The following MEP1A variants were observed in gnomAD, a reference collection of about 807,000 sequenced individuals.
MEP1A encodes the protein meprin A subunit alpha.
Under a neutral mutation model 84.5 loss-of-function variants are expected in MEP1A, and 68 were observed. The observed-to-expected ratio is 0.80, with a 90% CI of 0.66 to 0.98. The LOEUF (loss-of-function observed/expected upper bound fraction) is 0.98. Ranked by LOEUF, MEP1A falls within the 50% of genes least tolerant of loss-of-function variation. The probability of loss-of-function intolerance (pLI) is 0.00; values close to 1 mark genes in which losing one functional copy is unlikely to be tolerated. For synonymous variants in MEP1A, 337 were observed against 336.8 expected (o/e 1.00, Z -0.01); for missense variants, 887 against 919.9 (o/e 0.96, Z 0.46).
chr6:46,802,997 G>A (rs1362313065), intron 5 of MEP1A, among the ~76,000 whole-genome samples: 2 of 151,220 alleles, frequency 1.3e-5, no homozygotes, highest in African/African-American at 4.8e-5. Context: ...ATCTTTATTA[G>A]GCTTTAGTAA....
In MEP1A at chr6:46,825,331, T is replaced by A; in HGVS notation, c.616T>A (p.Tyr206Asn). ...CTTAATCACAGACCTCAATACACCC[T>A]ATGATTATGAGTCTTTGATGCACTA... ...DSLITDLNTP[Y>N]DYESLMHYQP... Residue 206 changes from tyrosine to asparagine, a missense_variant, in exon 8 of 14, where the codon TAT becomes AAT. Transcript: ENST00000230588. 5.0e-6 allele frequency: 8 copies of A among 1,613,756 alleles called. No individual in the cohort carries two copies. The highest frequency in any genetic ancestry group is 6.8e-6 in the Non-Finnish European group (8 of 1,179,826).
At chr6:46,820,163 G>A (rs973092790) in intron 7 of MEP1A, among the ~76,000 whole-genome samples, 5 of 152,020 alleles carry the variant, frequency 3.3e-5, no homozygotes, top group Admixed American at 3.3e-4. Flanking sequence ...AATAAAAAAT[G>A]TTTAAAAACA....
In MEP1A at chr6:46,839,376, C is replaced by A. The variant is rs1208298402; in HGVS notation, c.*240C>A. On this transcript the variant is annotated 3_prime_UTR_variant, in exon 14 of 14. Coordinates refer to ENST00000230588, the MANE Select transcript of MEP1A (RefSeq NM_005588.3). ...ACACTCATCACACTTCATTGTAAATCACTTGTTTTATTGACTGTCTTTCCT... is the reference window on the plus strand; with the variant it reads ...ACACTCATCACACTTCATTGTAAATAACTTGTTTTATTGACTGTCTTTCCT... 5.8e-6 allele frequency: 2 copies of A among 346,714 alleles called. No homozygotes were observed. Among genetic ancestry groups the A allele is most frequent in the Non-Finnish European group, 1.0e-5 (2 of 190,612 alleles). The allele number at this position is 346,714 out of a possible 1,614,324, so 21.5% of individuals were successfully genotyped here. A position where few individuals can be genotyped will look rare whatever the true frequency, so the allele number is the denominator to read the frequency against.
At chr6:46,845,862 T>A in the MEP1A span, among the ~76,000 whole-genome samples, 1 of 152,214 alleles carries the variant, frequency 6.6e-6, no homozygotes, top group Non-Finnish European at 1.5e-5. Flanking sequence ...TGAATGTGGT[T>A]CTGTTACCTG....
intron 6 of MEP1A, among the ~76,000 whole-genome samples, chr6:46,817,748 C>A (rs1446537184): frequency 6.6e-6 from 1 of 152,198 alleles, no homozygotes; most frequent in East Asian, 1.9e-4. Flanking sequence ...TGAGTCCCAA[C>A]TACTTGATTA....
chr6:46,797,931 T>A (rs12181892), intron 3 of MEP1A, among the ~76,000 whole-genome samples: 1 of 49,602 alleles, frequency 2.0e-5, no homozygotes, highest in African/African-American at 8.4e-5. Context: ...TCCTTCCTTC[T>A]TTCCTTCCTT....
the MEP1A span, among the ~76,000 whole-genome samples, chr6:46,845,333 A>G: frequency 6.6e-6 from 1 of 152,200 alleles, no homozygotes; most frequent in Non-Finnish European, 1.5e-5. Flanking sequence ...GAGCTGCCAA[A>G]TGGGGCCACG....
chr6:46,821,121 A>G (rs992065350), intron 7 of MEP1A, among the ~76,000 whole-genome samples: 1 of 152,188 alleles, frequency 6.6e-6, no homozygotes, highest in Non-Finnish European at 1.5e-5. Context: ...TTGGAGTAAG[A>G]TGGTCAATGA....
intron 11 of MEP1A, 131 bp downstream of exon 11, chr6:46,833,669 T>C: frequency 1.4e-6 from 1 of 700,214 alleles, no homozygotes; most frequent in East Asian, 2.6e-5. Context: ...CATAGTCTTG[T>C]TGGAGTTTCA....
downstream of MEP1A, among the ~76,000 whole-genome samples, chr6:46,840,712 G>A (rs1482647548): frequency 6.6e-6 from 1 of 152,224 alleles, no homozygotes; most frequent in African/African-American, 2.4e-5. Context: ...CACTTACAGA[G>A]TAGCAGAGTA....
chr6:46,814,100 T>C lies in MEP1A; in HGVS notation c.380+4563T>C, dbSNP rs551632645. On this transcript the variant is annotated intron_variant, in intron 6 of 13. Transcript: ENST00000230588. ...TCTTATATTTGGATGTCTAGATCTCTAGCAAGGCTGGGGAAGTTTTCCTCA... is the reference window on the plus strand; with the variant it reads ...TCTTATATTTGGATGTCTAGATCTCCAGCAAGGCTGGGGAAGTTTTCCTCA... Among the ~76,000 whole-genome samples, 203 of 152,322 alleles carry C rather than the reference T, an allele frequency of 1.3e-3. 1 individual carries two copies. The highest frequency in any genetic ancestry group is 4.8e-3 in the African/African-American group (199 of 41,578).
intron 5 of MEP1A, among the ~76,000 whole-genome samples, chr6:46,806,684 T>C (rs2150743094): frequency 6.6e-6 from 1 of 152,156 alleles, no homozygotes; most frequent in South Asian, 2.1e-4. Flanking sequence ...GGCACTTATA[T>C]ACAGACTTTG....
In MEP1A at chr6:46,793,644, T is replaced by C. The variant is rs977691850; in HGVS notation, c.95-22T>C. ...TTTCCTTCGGCAAGACTAATAATAA[T>C]TTTTTTTCTCACTTTTAACAGTACA... On this transcript the variant is annotated intron_variant, in intron 2 of 13. Transcript: ENST00000230588. The C allele has an allele frequency of 5.7e-6, 9 of 1,583,774 alleles. No homozygotes were observed. The African/African-American group carries it at 1.2e-4, about 20-fold the overall frequency.
At chr6:46,821,314 G>A (rs529248335) in intron 7 of MEP1A, among the ~76,000 whole-genome samples, 2 of 152,200 alleles carry the variant, frequency 1.3e-5, no homozygotes, top group Admixed American at 6.5e-5. Context: ...CACATACTCC[G>A]ACCATCTTAC....
chr6:46,812,780 G>A (rs1245719934), intron 6 of MEP1A, among the ~76,000 whole-genome samples: 2 of 151,928 alleles, frequency 1.3e-5, no homozygotes, highest in Non-Finnish European at 2.9e-5. Flanking sequence ...TGGTTTTGAG[G>A]GTTCTTTTTG....
At chr6:46,829,924 A>G (rs1768041656) in intron 10 of MEP1A, among the ~76,000 whole-genome samples, 1 of 152,124 alleles carries the variant, frequency 6.6e-6, no homozygotes, top group African/African-American at 2.4e-5. Context: ...TAAGAAGGTA[A>G]AAGACCTGTG....
Position 46,793,761 on chromosome 6 carries a change from A to C in MEP1A, c.145+45A>C. On this transcript the variant is annotated intron_variant, in intron 3 of 13. Transcript: ENST00000230588. ...TATTAAAGTCTTGAAATTACTTGAAACCCAGTGGTGGGATTACTGAACACT... is the reference window on the plus strand; with the variant it reads ...TATTAAAGTCTTGAAATTACTTGAACCCCAGTGGTGGGATTACTGAACACT... 3 of 1,368,588 alleles carry C rather than the reference A, an allele frequency of 2.2e-6. No homozygotes were observed. The East Asian group carries it at 6.9e-5, about 32-fold the overall frequency. The allele number at this position is 1,368,588 out of a possible 1,614,324, so 84.8% of individuals were successfully genotyped here. A position where few individuals can be genotyped will look rare whatever the true frequency, so the allele number is the denominator to read the frequency against.
chr6:46,833,013 CA>C, intron 10 of MEP1A, 60 bp from the exon 11 acceptor site: 1 of 947,108 alleles, frequency 1.1e-6, no homozygotes, highest in Non-Finnish European at 1.6e-6. Flanking sequence ...GTGCCAAACT[CA>C]TAATAAGTAC....
intron 6 of MEP1A, among the ~76,000 whole-genome samples, chr6:46,818,661 C>A (rs549682321): frequency 7.2e-5 from 11 of 152,278 alleles, no homozygotes; most frequent in African/African-American, 2.6e-4. Context: ...TACAGGTCCT[C>A]CTTGCCTGAT....
Sources: allele counts gnomAD v4.1 joint callset (sites outside exome capture counted in the v4.1 genomes callset), GRCh38; gene constraint gnomAD v4.1.1; transcripts MANE v1.5; gene names NCBI Gene and HGNC (gene_info 2026-07-23, HGNC 2026-07-21).